The following CST11 variants were observed in gnomAD, a reference collection of about 807,000 sequenced individuals.
The protein encoded by CST11 is cystatin 11.
CST11 carries 13 observed loss-of-function variants against 14.0 expected under a neutral mutation model. The ratio of observed to expected loss-of-function variants is 0.93; its 90% confidence interval spans 0.60 to 1.47. The LOEUF (loss-of-function observed/expected upper bound fraction) is 1.47. Among genes scored for constraint, CST11 ranks in the 40% most tolerant of loss-of-function variants. The probability of loss-of-function intolerance (pLI) is 0.00; values close to 1 mark genes in which losing one functional copy is unlikely to be tolerated. For synonymous variants in CST11, 64 were observed against 57.8 expected, an observed-to-expected ratio of 1.11 and a Z score of -0.48; for missense variants, 181 against 160.0, an observed-to-expected ratio of 1.13 and a Z score of -0.71.
In CST11 at chr20:23,450,478, G is replaced by A; in HGVS notation, c.*28C>T. On this transcript the variant is annotated 3_prime_UTR_variant, in exon 3 of 3. Coordinates refer to ENST00000377009, the MANE Select transcript of CST11 (RefSeq NM_130794.2). ...CCATTGCAGGATTCTCTCACATGCA[G>A]TGGCCGCAGTTGTACACTCCAGGAC... 6.7e-7 allele frequency: 1 copy of A among 1,493,144 alleles called. No homozygotes were observed. The highest frequency in any genetic ancestry group is 9.2e-7 in the Non-Finnish European group (1 of 1,088,460). The allele number at this position is 1,493,144 out of a possible 1,614,324, so 92.5% of individuals were successfully genotyped here.
At chr20:23,451,945 G>A in intron 1 of CST11, 25 bp from the exon 2 acceptor site, 2 of 1,554,694 alleles carry the variant, frequency 1.3e-6, no homozygotes, top group African/African-American at 1.4e-5. Flanking sequence ...CGTGGGGGAG[G>A]CACAGCTTGT....
chr20:23,451,489 G>A (rs372138660), intron 2 of CST11, among the ~76,000 whole-genome samples: 2 of 152,248 alleles, frequency 1.3e-5, no homozygotes, highest in Admixed American at 1.3e-4. Flanking sequence ...TTCAGTCAGC[G>A]CACCTGACAG....
Position 23,452,575 on chromosome 20 carries a change from T to C in CST11, c.228+9A>G. 1 of 1,588,192 alleles carries C rather than the reference T, an allele frequency of 6.3e-7. No homozygotes were observed. The highest frequency in any genetic ancestry group is 8.6e-7 in the Non-Finnish European group (1 of 1,156,452). ...AGGCCTGGGGAGAGGCGGGAAGTCATACACTCACCTGCCTCTGGACTTTAA... is the reference window on the plus strand; with the variant it reads ...AGGCCTGGGGAGAGGCGGGAAGTCACACACTCACCTGCCTCTGGACTTTAA... On this transcript the variant is annotated intron_variant, in intron 1 of 2. Coordinates refer to ENST00000377009, the MANE Select transcript of CST11 (RefSeq NM_130794.2).
chr20:23,452,165 C>T (rs527368307), intron 1 of CST11, among the ~76,000 whole-genome samples: 9 of 152,292 alleles, frequency 5.9e-5, no homozygotes, highest in Middle Eastern at 3.4e-3. Context: ...ATGCAAGTGA[C>T]GCTAGTGATT....
At position 23,452,584 on chromosome 20, in the gene CST11, C is replaced by A; in HGVS notation, c.228G>T (p.Gln76His). The A allele has an allele frequency of 6.2e-7, 1 of 1,604,528 alleles. No individual in the cohort carries two copies. Among genetic ancestry groups the A allele is most frequent in the South Asian group, 1.1e-5 (1 of 90,910 alleles). Residue 76 changes from glutamine to histidine, a missense_variant and splice_region_variant, in exon 1 of 3, where the codon CAG becomes CAT. Physicochemically the swap from Gln to His is conservative, Grantham distance 24. Coordinates refer to ENST00000377009, the MANE Select transcript of CST11 (RefSeq NM_130794.2). ...RIFRVLKVQR[Q>H]VTDHLEYHLN... Reference sequence around the variant, plus strand: ...GAGAGGCGGGAAGTCATACACTCACCTGCCTCTGGACTTTAAGGACTCGGA... The same window carrying A: ...GAGAGGCGGGAAGTCATACACTCACATGCCTCTGGACTTTAAGGACTCGGA...
rs2123327080 is a variant in CST11, at chr20:23,451,825, C to T, written c.324G>A (p.Glu108=). The change falls in exon 2 of 3, where the codon GAG becomes GAA. Residue 108 remains glutamate, a synonymous_variant. Transcript: ENST00000377009. ...ETTNCVPQER[E]LHKQVNCFFS... is the part of the protein sequence containing the mutation. ...TGCTTTTACCCAATACCTTGTGAAGCTCCCTTTCCTGGGGGACACAGTTCG... is the reference window on the plus strand; with the variant it reads ...TGCTTTTACCCAATACCTTGTGAAGTTCCCTTTCCTGGGGGACACAGTTCG... 4 of 1,613,640 alleles carry T rather than the reference C, an allele frequency of 2.5e-6. 1 individual carries two copies. The East Asian group carries it at 8.9e-5, about 36-fold the overall frequency.
chr20:23,452,816 C>T lies in CST11; in HGVS notation c.-5G>A. ...CTGCCAGGGCTCAGCCATCATCCTT[C>T]AGCTGCAGAGGAACAGGAAGAGTGT... On this transcript the variant is annotated 5_prime_UTR_variant, in exon 1 of 3. Transcript: ENST00000377009. The T allele has an allele frequency of 3.1e-6, 5 of 1,609,280 alleles. No homozygotes were observed. The highest frequency in any genetic ancestry group is 4.3e-6 in the Non-Finnish European group (5 of 1,176,196).
intron 2 of CST11, among the ~76,000 whole-genome samples, chr20:23,450,821 C>T (rs751990729): frequency 6.6e-5 from 10 of 152,178 alleles, no homozygotes; most frequent in South Asian, 6.2e-4. Context: ...AAAGTGTCTG[C>T]GCAGCCCATA....
chr20:23,451,999 T>C, intron 1 of CST11, 79 bp from the exon 2 acceptor site: 6 of 1,033,350 alleles, frequency 5.8e-6, no homozygotes, highest in Non-Finnish European at 9.0e-6. Flanking sequence ...GGGGCTCCGC[T>C]ACCCCACGTC....
In CST11 at chr20:23,452,596, T is replaced by C. The variant is rs779528404; in HGVS notation, c.216A>G (p.Lys72=). ...KYHFRIFRVL[K]VQRQVTDHLE... is the part of the protein sequence containing the mutation. ...GTCATACACTCACCTGCCTCTGGAC[T>C]TTAAGGACTCGGAAGATCCTGAAGT... Residue 72 remains lysine, a synonymous_variant, in exon 1 of 3, where the codon AAA becomes AAG. Transcript: ENST00000377009. 3.1e-6 allele frequency: 5 copies of C among 1,611,976 alleles called. No homozygotes were observed. The highest frequency in any genetic ancestry group is 4.2e-6 in the Non-Finnish European group (5 of 1,178,026).
chr20:23,452,341 G>T (rs1987116900), intron 1 of CST11, among the ~76,000 whole-genome samples: 1 of 152,340 alleles, frequency 6.6e-6, no homozygotes, highest in South Asian at 2.1e-4. Flanking sequence ...ACAAGAACAC[G>T]ACTTACAAAA....
chr20:23,452,436 T>A, intron 1 of CST11, 148 bp downstream of exon 1: 1 of 644,596 alleles, frequency 1.6e-6, no homozygotes, highest in Non-Finnish European at 2.8e-6. Context: ...CTTAATTTCA[T>A]CACCCTAGTG....
intron 2 of CST11, among the ~76,000 whole-genome samples, chr20:23,451,397 C>T (rs1282236749): frequency 1.3e-5 from 2 of 152,218 alleles, no homozygotes; most frequent in Non-Finnish European, 2.9e-5. Flanking sequence ...CTCCTCCTCC[C>T]CCTGGATGAA....
rs34604301 is a variant in CST11, at chr20:23,452,680, C to T, written c.132G>A (p.Ala44=). The T allele has an allele frequency of 0.013, 21,362 of 1,613,966 alleles. 185 individuals are homozygous for T. Among genetic ancestry groups the T allele is most frequent in the Non-Finnish European group, 0.014 (16,812 of 1,179,826 alleles). Residue 44 remains alanine (A), a synonymous_variant, in exon 1 of 3, where the codon GCG becomes GCA. Transcript: ENST00000377009. ...VHEVMAVENY[A]KDSLQWITDQ... ...CGGTGATCCACTGCAAGCTGTCCTT[C>T]GCATAGTTTTCTACTGCCATCACTT...
intron 2 of CST11, among the ~76,000 whole-genome samples, chr20:23,451,279 A>C (rs1268490964): frequency 7.0e-6 from 1 of 142,268 alleles, no homozygotes; most frequent in Non-Finnish European, 1.5e-5. Flanking sequence ...TTGGAGCTGG[A>C]GCTGCCTTCG....
chr20:23,451,716 T>G, intron 2 of CST11, 100 bp downstream of exon 2: 5 of 850,988 alleles, frequency 5.9e-6, no homozygotes, highest in Non-Finnish European at 7.5e-6. Flanking sequence ...CAAGCCAGCT[T>G]GAGTAAATTC....
rs765360178 is a variant in CST11 at position 23,451,767 on chromosome 20, C to T, written c.333+49G>A. The T allele has an allele frequency of 9.6e-6, 13 of 1,360,822 alleles. No homozygotes were observed. In the Admixed American group the frequency reaches 1.6e-4, roughly 17 times the overall value. 84.3% of individuals were successfully genotyped at this position (1,360,822 alleles called of 1,614,324 possible). ...AACTCATTCTAAAGCCACAGAAAAACCTCACTGAAAAGGACTTCTGTCTAC... is the reference window on the plus strand; with the variant it reads ...AACTCATTCTAAAGCCACAGAAAAATCTCACTGAAAAGGACTTCTGTCTAC... On this transcript the variant is annotated intron_variant, in intron 2 of 2. Transcript: ENST00000377009.
intron 2 of CST11, 33 bp downstream of exon 2, chr20:23,451,783 T>C: frequency 6.6e-7 from 1 of 1,509,568 alleles, no homozygotes; most frequent in South Asian, 1.1e-5. Context: ...TGAAAAGGAC[T>C]TCTGTCTACG....
At chr20:23,451,384 C>T (rs1987084381) in intron 2 of CST11, among the ~76,000 whole-genome samples, 1 of 152,206 alleles carries the variant, frequency 6.6e-6, no homozygotes, top group African/African-American at 2.4e-5. Context: ...CTTGTTTCCT[C>T]ACCTCCTCCT....
Sources: allele counts gnomAD v4.1 joint callset (sites outside exome capture counted in the v4.1 genomes callset), GRCh38; gene constraint gnomAD v4.1.1; transcripts MANE v1.5; gene names NCBI Gene and HGNC (gene_info 2026-07-23, HGNC 2026-07-21).